Variants in PRDM5 observed in about 807,000 individuals in gnomAD.
PRDM5 encodes PR/SET domain 5, also known as PR domain zinc finger protein 5.
A neutral mutation model predicts 81.2 loss-of-function variants in PRDM5; 56 were observed. The observed-to-expected ratio is 0.69, with a 90% confidence interval of 0.56 to 0.86. PRDM5 has a LOEUF of 0.86. PRDM5 is among the 40% of genes least tolerant of loss of function. The pLI, the probability that PRDM5 is intolerant of heterozygous loss-of-function variation, is 0.00. For synonymous variants in PRDM5, 267 were observed against 256.4 expected (o/e 1.04, Z -0.39); for missense variants, 697 against 770.1 (o/e 0.91, Z 1.12).
intron 1 of PRDM5, among the ~76,000 whole-genome samples, chr4:120,911,001 G>C (rs1011486451): frequency 1.3e-5 from 2 of 152,134 alleles, no homozygotes; most frequent in Non-Finnish European, 2.9e-5. Flanking sequence ...CCTTTGACTT[G>C]TGATTTCTTT....
At chr4:120,912,266 C>T (rs1047365221) in intron 1 of PRDM5, among the ~76,000 whole-genome samples, 1 of 152,188 alleles carries the variant, frequency 6.6e-6, no homozygotes, top group African/African-American at 2.4e-5. Flanking sequence ...GCATCAGTAA[C>T]AGTGGGAAGC....
intron 15 of PRDM5, 125 bp downstream of exon 15, chr4:120,710,184 C>G (rs903203123): frequency 1.3e-6 from 1 of 790,646 alleles, no homozygotes; most frequent in South Asian, 1.5e-5. Context: ...CATTAACAGG[C>G]ATAGGCACAT....
intron 3 of PRDM5, chr4:120,838,548 T>C (rs2149386191): frequency 6.6e-6 from 1 of 152,382 alleles, no homozygotes; most frequent in East Asian, 1.9e-4. Context: ...GAACAGGTTT[T>C]GTGGAAGACA....
chr4:120,881,768 A>T (rs1415757187), intron 2 of PRDM5, among the ~76,000 whole-genome samples: 1 of 152,154 alleles, frequency 6.6e-6, no homozygotes, highest in Non-Finnish European at 1.5e-5. Context: ...AAAATAAAAA[A>T]CCTACTTGCA....
At chr4:120,888,793 A>G (rs796695507) in intron 2 of PRDM5, among the ~76,000 whole-genome samples, 9 of 152,334 alleles carry the variant, frequency 5.9e-5, no homozygotes, top group African/African-American at 1.9e-4. Context: ...CATTTTGGTG[A>G]ACATATGGTG....
At chr4:120,724,541 T>A (rs898895028) in intron 14 of PRDM5, among the ~76,000 whole-genome samples, 5 of 152,202 alleles carry the variant, frequency 3.3e-5, no homozygotes, top group African/African-American at 4.8e-5. Flanking sequence ...CCAGTCCACA[T>A]AGAACTGAAC....
intron 2 of PRDM5, among the ~76,000 whole-genome samples, chr4:120,875,543 A>G (rs1230022630): frequency 6.6e-6 from 1 of 152,248 alleles, no homozygotes; most frequent in African/African-American, 2.4e-5. Flanking sequence ...GTCTCTGAGG[A>G]CCAGGTCAAG....
At chr4:120,774,902 A>ATATAGATGTATATG (rs1747873060) in intron 13 of PRDM5, among the ~76,000 whole-genome samples, 1 of 146,052 alleles carries the variant, frequency 6.8e-6, no homozygotes, top group African/African-American at 2.5e-5. Context: ...ATATATATAT[A>ATATAGATGTATATG]TATATGTATA....
chr4:120,905,123 C>T (rs1266109903), intron 2 of PRDM5, among the ~76,000 whole-genome samples: 1 of 152,090 alleles, frequency 6.6e-6, no homozygotes, highest in Non-Finnish European at 1.5e-5. Flanking sequence ...AAACAGCAGG[C>T]TAAATTCAGA....
chr4:120,691,933 A>G lies in PRDM5; in HGVS notation c.*3178T>C, dbSNP rs1378675309. 1 of 151,904 alleles carries G rather than the reference A, an allele frequency of 6.6e-6. No individual in the cohort carries two copies. Among genetic ancestry groups the G allele is most frequent in the Non-Finnish European group, 1.5e-5 (1 of 67,920 alleles). 9.4% of individuals were successfully genotyped at this position (151,904 alleles called of 1,614,324 possible). ...CCAAGTCTGGTAGTGATTTATATAT[A>G]TTTATTATAGATTTATAATAAAATA... On this transcript the variant is annotated 3_prime_UTR_variant, in exon 16 of 16. Transcript: ENST00000264808.
At chr4:120,879,474 C>G (rs1762627691) in intron 2 of PRDM5, among the ~76,000 whole-genome samples, 1 of 152,152 alleles carries the variant, frequency 6.6e-6, no homozygotes, top group African/African-American at 2.4e-5. Context: ...CTTACTCTTC[C>G]TCCTCAGTCT....
intron 15 of PRDM5, among the ~76,000 whole-genome samples, chr4:120,700,208 C>T (rs1304874332): frequency 6.6e-6 from 1 of 152,014 alleles, no homozygotes; most frequent in East Asian, 1.9e-4. Context: ...GGGCTCCCTA[C>T]TCAATAAACA....
intron 14 of PRDM5, among the ~76,000 whole-genome samples, chr4:120,742,828 G>C (rs1421473733): frequency 1.3e-5 from 2 of 152,056 alleles, no homozygotes; most frequent in Non-Finnish European, 2.9e-5. Flanking sequence ...GTGATGGGGA[G>C]AATGGAACCA....
intron 15 of PRDM5, among the ~76,000 whole-genome samples, chr4:120,699,790 T>C (rs1390564): frequency 0.28 from 42,115 of 151,962 alleles, 6,650 homozygotes; most frequent in Non-Finnish European, 0.35. Context: ...TGGGAAAATA[T>C]TTCATGCTTA....
At chr4:120,897,915 A>G (rs1374798041) in intron 2 of PRDM5, among the ~76,000 whole-genome samples, 1 of 152,206 alleles carries the variant, frequency 6.6e-6, no homozygotes, top group East Asian at 1.9e-4. Context: ...AACTCCAATC[A>G]ACATTTGAAA....
chr4:120,727,325 GA>G (rs1739574445), intron 14 of PRDM5, among the ~76,000 whole-genome samples: 1 of 148,086 alleles, frequency 6.8e-6, no homozygotes, highest in Non-Finnish European at 1.5e-5. Context: ...GTGTGTGTAT[GA>G]AATGAAACAT....
chr4:120,914,207 T>C lies in PRDM5; in HGVS notation c.94-6650A>G, dbSNP rs1192248950. On this transcript the variant is annotated intron_variant, in intron 1 of 15. Coordinates refer to ENST00000264808, the MANE Select transcript of PRDM5 (RefSeq NM_018699.4). Reference sequence around the variant, plus strand: ...ACAGCACTCAAAAAAAAAAAAACTTTTAAGAGTTAAAAACCATTAACTTCC... The same window carrying C: ...ACAGCACTCAAAAAAAAAAAAACTTCTAAGAGTTAAAAACCATTAACTTCC... 2.0e-5 allele frequency among the ~76,000 whole-genome samples: 3 copies of C among 152,128 alleles called. No individual in the cohort carries two copies. The East Asian group carries it at 5.8e-4, about 29-fold the overall frequency.
chr4:120,871,053 T>C lies in PRDM5; in HGVS notation c.178-17513A>G, dbSNP rs113521676. ...CTCCCGCCATCATCCAGCCTATCCT[T>C]GAACACCTCCCTCTCCACATGGGAA... On this transcript the variant is annotated intron_variant, in intron 2 of 15. Coordinates refer to ENST00000264808, the MANE Select transcript of PRDM5 (RefSeq NM_018699.4). 3.7e-3 allele frequency among the ~76,000 whole-genome samples: 560 copies of C among 152,266 alleles called. 2 individuals carry two copies. Among genetic ancestry groups the C allele is most frequent in the African/African-American group, 0.013 (522 of 41,544 alleles).
intron 2 of PRDM5, among the ~76,000 whole-genome samples, chr4:120,873,011 TA>T (rs71597099): frequency 0.31 from 46,143 of 151,092 alleles, 7,277 homozygotes; most frequent in East Asian, 0.53. Context: ...TTTTTTATTT[TA>T]TTTTTTTGAG....
Sources: allele counts gnomAD v4.1 joint callset (sites outside exome capture counted in the v4.1 genomes callset), GRCh38; gene constraint gnomAD v4.1.1; transcripts MANE v1.5; gene names NCBI Gene and HGNC (gene_info 2026-07-23, HGNC 2026-07-21).